The following RASGRF2 variants were observed in gnomAD, a reference collection of about 807,000 sequenced individuals.
The protein encoded by RASGRF2 is Ras protein specific guanine nucleotide releasing factor 2.
Under a neutral mutation model 151.0 loss-of-function variants are expected in RASGRF2, and 76 were observed. The ratio of observed to expected loss-of-function variants is 0.50; its 90% CI spans 0.42 to 0.61. RASGRF2 has a LOEUF of 0.61. Ranked by LOEUF, RASGRF2 falls within the 20% of genes least tolerant of loss-of-function variation. RASGRF2 has a pLI of 0.00. For synonymous variants in RASGRF2, 504 were observed against 566.5 expected, an observed-to-expected ratio of 0.89 and a Z score of 1.57; for missense variants, 1,148 against 1,564.6, an observed-to-expected ratio of 0.73 and a Z score of 4.49.
At chr5:81,017,027 T>C (rs1291123460) in intron 1 of RASGRF2, among the ~76,000 whole-genome samples, 8 of 152,224 alleles carry the variant, frequency 5.3e-5, no homozygotes, top group Non-Finnish European at 7.3e-5. Context: ...TGCTGGTTGA[T>C]AATTGTCATA....
chr5:81,126,006 G>A (rs1389477736), intron 16 of RASGRF2, among the ~76,000 whole-genome samples: 1 of 152,266 alleles, frequency 6.6e-6, no homozygotes, highest in African/African-American at 2.4e-5. Context: ...GCTGTTTTAT[G>A]CGTTTGTGCT....
chr5:81,215,546 C>T (rs1355962564), intron 23 of RASGRF2, among the ~76,000 whole-genome samples: 1 of 152,168 alleles, frequency 6.6e-6, no homozygotes, highest in East Asian at 1.9e-4. Context: ...GCTAGGATTC[C>T]AGGTGTGACC....
At chr5:81,073,094 T>A in intron 4 of RASGRF2, 105 bp from the exon 5 acceptor site, 2 of 1,348,124 alleles carry the variant, frequency 1.5e-6, no homozygotes, top group Admixed American at 2.3e-5. Context: ...TTAGAGGTTA[T>A]CATGTTTTCT....
At chr5:81,028,494 C>T (rs1284289034) in intron 1 of RASGRF2, among the ~76,000 whole-genome samples, 2 of 151,614 alleles carry the variant, frequency 1.3e-5, no homozygotes, top group Non-Finnish European at 2.9e-5. Context: ...TCTGGCCCCT[C>T]AAGATGAGAT....
intron 18 of RASGRF2, among the ~76,000 whole-genome samples, chr5:81,184,030 A>T (rs1037881582): frequency 2.0e-5 from 3 of 152,208 alleles, no homozygotes; most frequent in Non-Finnish European, 4.4e-5. Flanking sequence ...TGCAATGCTG[A>T]ACACATGGCA....
At chr5:81,204,772 C>G (rs1318608449) in intron 19 of RASGRF2, among the ~76,000 whole-genome samples, 1 of 152,118 alleles carries the variant, frequency 6.6e-6, no homozygotes, top group Non-Finnish European at 1.5e-5. Flanking sequence ...ATCCTCAAAC[C>G]CCACATAGCA....
chr5:81,217,287 G>C (rs1401365699), intron 24 of RASGRF2, 69 bp from the exon 25 acceptor site: 22 of 1,517,166 alleles, frequency 1.5e-5, no homozygotes, highest in Non-Finnish European at 1.9e-5. Context: ...ATCCTCCTTT[G>C]TTTAATTTGG....
intron 25 of RASGRF2, among the ~76,000 whole-genome samples, chr5:81,219,252 T>C (rs1755808188): frequency 6.6e-6 from 1 of 151,988 alleles, no homozygotes; most frequent in African/African-American, 2.4e-5. Flanking sequence ...CTAATTTTTG[T>C]ATTATTAGTA....
intron 7 of RASGRF2, among the ~76,000 whole-genome samples, chr5:81,082,889 A>G (rs909984645): frequency 1.3e-5 from 2 of 152,208 alleles, no homozygotes; most frequent in African/African-American, 4.8e-5. Context: ...TTGCTTCCCC[A>G]TAACTATTTT....
At chr5:81,144,762 T>C (rs985767128) in intron 17 of RASGRF2, among the ~76,000 whole-genome samples, 4 of 152,200 alleles carry the variant, frequency 2.6e-5, no homozygotes, top group African/African-American at 9.6e-5. Context: ...TTAATATTAC[T>C]ATACTCAGGT....
At chr5:81,033,630 C>T (rs1407728216) in intron 1 of RASGRF2, among the ~76,000 whole-genome samples, 1 of 150,796 alleles carries the variant, frequency 6.6e-6, no homozygotes, top group African/African-American at 2.4e-5. Context: ...TTCCTTACAC[C>T]TTATACAAAA....
At chr5:81,059,717 C>T (rs1580266030) in intron 2 of RASGRF2, among the ~76,000 whole-genome samples, 1 of 151,760 alleles carries the variant, frequency 6.6e-6, no homozygotes, top group Non-Finnish European at 1.5e-5. Flanking sequence ...TGGTGGCGGG[C>T]ACCTGTAATC....
chr5:81,207,247 C>G lies in RASGRF2; in HGVS notation c.2969C>G (p.Thr990Ser). The G allele has an allele frequency of 6.2e-7, 1 of 1,614,050 alleles. No individual in the cohort carries two copies. The highest frequency in any genetic ancestry group is 8.5e-7 in the Non-Finnish European group (1 of 1,179,910). ...ATTTCCCTCCCTCATCTCTTGCAGA[C>G]TGACTGCATGAAGGCCGAATGCTTT... Reference protein sequence around the residue: ...HLKLEDIIQMTDCMKAECFES... With the variant: ...HLKLEDIIQMSDCMKAECFES... Residue 990 changes from threonine (T) to serine (S), a missense_variant and splice_region_variant, in exon 21 of 27, where the codon ACT becomes AGT. Physicochemically the swap from Thr to Ser is moderately conservative, Grantham distance 58. Around this residue, in one of 5 missense-constraint regions of RASGRF2, gnomAD observed 646 missense variants for 807.4 expected, o/e 0.80. Coordinates refer to ENST00000265080, the MANE Select transcript of RASGRF2 (RefSeq NM_006909.3).
At chr5:81,068,350 A>T (rs1309721313) in intron 3 of RASGRF2, among the ~76,000 whole-genome samples, 171 bp downstream of exon 3, 1 of 151,244 alleles carries the variant, frequency 6.6e-6, no homozygotes, top group East Asian at 1.9e-4. Context: ...CTATATTAGG[A>T]TTAAGTAAAT....
chr5:80,962,011 A>T (rs936410102), intron 1 of RASGRF2, among the ~76,000 whole-genome samples: 2 of 152,224 alleles, frequency 1.3e-5, no homozygotes, highest in Admixed American at 1.3e-4. Flanking sequence ...TGAATTTTCC[A>T]TGTGAGTTCA....
At chr5:81,170,627 G>C (rs1754638408) in intron 17 of RASGRF2, among the ~76,000 whole-genome samples, 1 of 152,016 alleles carries the variant, frequency 6.6e-6, no homozygotes, top group Non-Finnish European at 1.5e-5. Flanking sequence ...CTTCATTCAT[G>C]TCCCAACTCC....
At chr5:80,988,863 G>A (rs1748557842) in intron 1 of RASGRF2, among the ~76,000 whole-genome samples, 1 of 151,898 alleles carries the variant, frequency 6.6e-6, no homozygotes, top group South Asian at 2.1e-4. Flanking sequence ...TAACAAAATA[G>A]GCATAGTTTG....
At chr5:81,089,683 T>TA (rs1251257045) in intron 9 of RASGRF2, among the ~76,000 whole-genome samples, 1 of 152,220 alleles carries the variant, frequency 6.6e-6, no homozygotes. Context: ...GCTGCATCAC[T>TA]GGAGGTCAAA....
At chr5:81,049,882 A>C (rs905810126) in intron 2 of RASGRF2, among the ~76,000 whole-genome samples, 1 of 152,044 alleles carries the variant, frequency 6.6e-6, no homozygotes, top group Non-Finnish European at 1.5e-5. Flanking sequence ...ATTCACCAAC[A>C]TGTATTTTTC....
Sources: gnomAD v4.1 joint callset for allele counts (sites outside exome capture counted in the v4.1 genomes callset) on GRCh38, gnomAD v4.1.1 for gene constraint, gnomAD v4.1.1 regional missense constraint, MANE v1.5 for transcripts, NCBI Gene and HGNC (gene_info 2026-07-23, HGNC 2026-07-21) for gene names.